Variants in NCAM2 observed in about 807,000 individuals in gnomAD.
NCAM2 encodes neural cell adhesion molecule 2, also known as N-CAM-2.
Under a neutral mutation model 98.1 loss-of-function variants are expected in NCAM2, and 30 were observed. The observed-to-expected ratio is 0.31, with a 90% CI of 0.23 to 0.41. The LOEUF is 0.41. NCAM2 is among the 10% of genes least tolerant of loss of function. The pLI, the probability that NCAM2 is intolerant of heterozygous loss-of-function variation, is 1.00. For missense variants in NCAM2, 867 were observed against 1,005.8 expected (o/e 0.86, Z 1.87); for synonymous variants, 368 against 342.4 (o/e 1.07, Z -0.83).
At chr21:21,148,067 T>C (rs2067339180) in intron 1 of NCAM2, among the ~76,000 whole-genome samples, 1 of 151,968 alleles carries the variant, frequency 6.6e-6, no homozygotes, top group African/African-American at 2.4e-5. Flanking sequence ...CCTCCCATTT[T>C]CTCCTATTCA....
intron 1 of NCAM2, among the ~76,000 whole-genome samples, chr21:21,201,179 T>C (rs916838073): frequency 4.6e-5 from 7 of 152,190 alleles, no homozygotes; most frequent in Non-Finnish European, 1.0e-4. Flanking sequence ...ACGTGTATAA[T>C]TTATTTTATT....
chr21:21,053,843 T>C (rs9975502), intron 1 of NCAM2, among the ~76,000 whole-genome samples: 133,307 of 151,364 alleles, frequency 0.88, 59,283 homozygotes, highest in Middle Eastern at 0.96. Flanking sequence ...TATACATACA[T>C]ATATACATTC....
intron 1 of NCAM2, among the ~76,000 whole-genome samples, chr21:21,170,026 A>G (rs1321651846): frequency 1.3e-5 from 2 of 152,200 alleles, no homozygotes; most frequent in Non-Finnish European, 2.9e-5. Context: ...ATATGTCATT[A>G]GAGAATTATA....
intron 1 of NCAM2, among the ~76,000 whole-genome samples, chr21:21,034,066 C>T (rs1182106974): frequency 1.3e-5 from 2 of 150,102 alleles, no homozygotes; most frequent in African/African-American, 4.9e-5. Flanking sequence ...GGGGGGGAAA[C>T]AAAGATTGAG....
intron 12 of NCAM2, among the ~76,000 whole-genome samples, chr21:21,435,668 G>C (rs1985517839): frequency 3.3e-5 from 5 of 152,166 alleles, no homozygotes; most frequent in African/African-American, 1.2e-4. Flanking sequence ...TGTCTCAGTT[G>C]AAAATTACAG....
chr21:21,482,994 C>T (rs1986027264), intron 15 of NCAM2, among the ~76,000 whole-genome samples: 1 of 151,852 alleles, frequency 6.6e-6, no homozygotes. Flanking sequence ...GATAGCATGG[C>T]ATTTATTGAT....
intron 9 of NCAM2, among the ~76,000 whole-genome samples, chr21:21,407,055 G>T (rs2076753525): frequency 6.6e-6 from 1 of 152,090 alleles, no homozygotes. Context: ...ATGATGTAAA[G>T]GGCCTTCCTG....
At chr21:21,057,525 A>T (rs2065236577) in intron 1 of NCAM2, among the ~76,000 whole-genome samples, 1 of 152,042 alleles carries the variant, frequency 6.6e-6, no homozygotes, top group African/African-American at 2.4e-5. Context: ...ATATTCCACA[A>T]GGATAAGTGC....
intron 1 of NCAM2, among the ~76,000 whole-genome samples, chr21:21,165,822 G>C (rs983118107): frequency 6.6e-6 from 1 of 152,036 alleles, no homozygotes; most frequent in South Asian, 2.1e-4. Flanking sequence ...TACATATTCA[G>C]GATATTGTTA....
chr21:21,360,680 C>CT lies in NCAM2; in HGVS notation c.1045-13173dup, dbSNP rs764229419. On this transcript the variant is annotated intron_variant, in intron 8 of 17. Transcript: ENST00000400546. ...ATCAGTGCATTATGTATATGCCAGT[C>CT]TTTTTTTTTTCGCTTAAAGAAACAT... is the stretch of plus-strand genomic sequence containing the variant. Among the ~76,000 whole-genome samples the CT allele has an allele frequency of 9.0e-3, 1,341 of 148,230 alleles. 7 individuals are homozygous for CT. Among genetic ancestry groups the CT allele is most frequent in the Non-Finnish European group, 0.014 (908 of 66,574 alleles).
At chr21:21,206,894 A>G (rs1419120939) in intron 1 of NCAM2, among the ~76,000 whole-genome samples, 1 of 152,118 alleles carries the variant, frequency 6.6e-6, no homozygotes, top group Admixed American at 6.6e-5. Flanking sequence ...ATTATTATAG[A>G]TATTAAATTA....
intron 1 of NCAM2, among the ~76,000 whole-genome samples, chr21:21,248,358 T>C (rs1381432231): frequency 6.6e-6 from 1 of 152,192 alleles, no homozygotes; most frequent in Non-Finnish European, 1.5e-5. Flanking sequence ...TAATTTCATT[T>C]TGATTATCAT....
chr21:21,050,025 T>C (rs767627305), intron 1 of NCAM2, among the ~76,000 whole-genome samples: 3 of 152,170 alleles, frequency 2.0e-5, no homozygotes, highest in Non-Finnish European at 4.4e-5. Flanking sequence ...CAATTATTAT[T>C]CTACAGTATG....
chr21:21,153,440 G>A (rs2826712), intron 1 of NCAM2, among the ~76,000 whole-genome samples: 38,646 of 151,354 alleles, frequency 0.26, 5,405 homozygotes, highest in Admixed American at 0.32. Flanking sequence ...ATGCATAACT[G>A]AATTACACAC....
At chr21:21,496,834 T>C (rs781564361) in intron 15 of NCAM2, among the ~76,000 whole-genome samples, 6 of 152,132 alleles carry the variant, frequency 3.9e-5, no homozygotes, top group Non-Finnish European at 5.9e-5. Flanking sequence ...TGCATTGGGC[T>C]AGCCAGTTAT....
intron 1 of NCAM2, among the ~76,000 whole-genome samples, chr21:21,068,213 A>G (rs747254847): frequency 1.4e-5 from 2 of 144,802 alleles, no homozygotes; most frequent in Non-Finnish European, 3.0e-5. Flanking sequence ...GCTCACTGCA[A>G]CCTCTGCCTC....
At position 21,466,591 on chromosome 21, in the gene NCAM2, T is replaced by G; in HGVS notation, c.1655-15T>G. 1 of 1,539,832 alleles carries G rather than the reference T, an allele frequency of 6.5e-7. No individual in the cohort carries two copies. The highest frequency in any genetic ancestry group is 8.8e-7 in the Non-Finnish European group (1 of 1,137,668). ...TATATATGTTTTATTTTGTTTTGTT[T>G]TGTTTTTCTTCTAGCAATGGTTGTT... On this transcript the variant is annotated splice_polypyrimidine_tract_variant and intron_variant, in intron 12 of 17. Coordinates refer to ENST00000400546, the MANE Select transcript of NCAM2 (RefSeq NM_004540.5).
chr21:21,126,258 A>AAAAAG (rs2066821916), intron 1 of NCAM2, among the ~76,000 whole-genome samples: 1 of 149,472 alleles, frequency 6.7e-6, no homozygotes, highest in South Asian at 2.1e-4. Context: ...AAAAAAAAAA[A>AAAAAG]TCGCAGAAAA....
chr21:21,351,030 C>T (rs1232537645), intron 8 of NCAM2, among the ~76,000 whole-genome samples: 4 of 140,130 alleles, frequency 2.9e-5, no homozygotes, highest in East Asian at 4.5e-4. Context: ...AGCAGAATGG[C>T]GTGAACGCGG....
Sources: allele counts gnomAD v4.1 joint callset (sites outside exome capture counted in the v4.1 genomes callset), GRCh38; gene constraint gnomAD v4.1.1; transcripts MANE v1.5; gene names NCBI Gene and HGNC (gene_info 2026-07-23, HGNC 2026-07-21).